Variants in HACE1 observed in about 807,000 individuals in gnomAD.
HACE1 encodes the protein HECT domain and ankyrin repeat containing E3 ubiquitin protein ligase 1.
HACE1 carries 73 observed loss-of-function variants against 118.4 expected under a neutral mutation model. The observed-to-expected ratio is 0.62, with a 90% CI of 0.51 to 0.75. The LOEUF (loss-of-function observed/expected upper bound fraction) is 0.75. HACE1 is among the 30% of genes least tolerant of loss of function. HACE1 has a pLI of 0.00. For missense variants in HACE1, 749 were observed against 1,102.2 expected, an observed-to-expected ratio of 0.68 and a Z score of 4.54; for synonymous variants, 368 against 374.8, an observed-to-expected ratio of 0.98 and a Z score of 0.21.
intron 22 of HACE1, among the ~76,000 whole-genome samples, chr6:104,737,114 T>C (rs1313892702): frequency 7.6e-6 from 1 of 131,338 alleles, no homozygotes; most frequent in Non-Finnish European, 1.6e-5. Flanking sequence ...TGAAACCTCA[T>C]CTCTACTAAA....
chr6:104,772,113 C>A (rs2114714325), intron 17 of HACE1, 39 bp from the exon 18 acceptor site: 8 of 1,146,030 alleles, frequency 7.0e-6, no homozygotes, highest in Non-Finnish European at 1.0e-5. Context: ...TATTAAGAAT[C>A]TATATGCAGA....
At chr6:104,735,556 A>C (rs1233122947) in intron 22 of HACE1, among the ~76,000 whole-genome samples, 1 of 151,978 alleles carries the variant, frequency 6.6e-6, no homozygotes, top group Non-Finnish European at 1.5e-5. Context: ...GCGTGAACCC[A>C]GGAGGCGCAG....
rs1437536818 is a variant in HACE1 at position 104,784,496 on chromosome 6, A to G, written c.1410-11T>C. 8 of 1,593,904 alleles carry G rather than the reference A, an allele frequency of 5.0e-6. No individual in the cohort carries two copies. The highest frequency in any genetic ancestry group is 1.7e-4 in the Middle Eastern group (1 of 6,034). Reference sequence around the variant, plus strand: ...CGAGGTGAAGTCATTCTGTGGGGGGAAAACATCAATCAGAATACACAGGCA... The same window carrying G: ...CGAGGTGAAGTCATTCTGTGGGGGGGAAACATCAATCAGAATACACAGGCA... On this transcript the variant is annotated splice_polypyrimidine_tract_variant and intron_variant, in intron 12 of 23. Coordinates refer to ENST00000262903, the MANE Select transcript of HACE1 (RefSeq NM_020771.4).
intron 19 of HACE1, among the ~76,000 whole-genome samples, chr6:104,754,985 A>G (rs1307972223): frequency 6.6e-6 from 1 of 152,208 alleles, no homozygotes; most frequent in African/African-American, 2.4e-5. Context: ...TAAAAGACCA[A>G]GAATGGCAAG....
rs1268284415 is a variant in HACE1 at position 104,836,239 on chromosome 6, G to GT, written c.403-3067dup. ...CAGCCAAGAGAGCACAGAAGTCTCCGTAAGAGACTCCTTCAAGACATAATC... is the reference window on the plus strand; with the variant it reads ...CAGCCAAGAGAGCACAGAAGTCTCCGTTAAGAGACTCCTTCAAGACATAATC... On this transcript the variant is annotated intron_variant, in intron 5 of 23. Coordinates refer to ENST00000262903, the MANE Select transcript of HACE1 (RefSeq NM_020771.4). Among the ~76,000 whole-genome samples, 5 of 152,250 alleles carry GT rather than the reference G, an allele frequency of 3.3e-5. No homozygotes were observed. The East Asian group carries it at 7.7e-4, about 23-fold the overall frequency.
rs1476472021 is a variant in HACE1 at position 104,740,947 on chromosome 6, A to G, written c.2513+3213T>C. ...GCAAAACGAATCCAGCAGCACATCAAAAAGCTTATCCACCATGATCAAGTG... is the reference window on the plus strand; with the variant it reads ...GCAAAACGAATCCAGCAGCACATCAGAAAGCTTATCCACCATGATCAAGTG... On this transcript the variant is annotated intron_variant, in intron 22 of 23. Coordinates refer to ENST00000262903, the MANE Select transcript of HACE1 (RefSeq NM_020771.4). Among the ~76,000 whole-genome samples, 5 of 129,104 alleles carry G rather than the reference A, an allele frequency of 3.9e-5. No homozygotes were observed. In the South Asian group the frequency reaches 1.0e-3, roughly 26 times the overall value. The allele number at this position is 129,104 out of a possible 152,430, so 84.7% of individuals were successfully genotyped here.
rs1348694232 is a variant in HACE1, at chr6:104,859,625, C to T, written c.18G>A (p.Glu6=). Residue 6 remains glutamate, a synonymous_variant, in exon 1 of 24, where the codon GAG becomes GAA. Transcript: ENST00000262903. ...GCGAGCGCGTCAGGCGGTTGAGTTGCTCCATCGCTCTCTCCATCCTCGGCG... is the reference window on the plus strand; with the variant it reads ...GCGAGCGCGTCAGGCGGTTGAGTTGTTCCATCGCTCTCTCCATCCTCGGCG... MERAM[E]QLNRLTRSLR... 18 of 1,533,348 alleles carry T rather than the reference C, an allele frequency of 1.2e-5. No individual in the cohort carries two copies. Among genetic ancestry groups the T allele is most frequent in the Non-Finnish European group, 1.6e-5 (18 of 1,143,354 alleles). 95.0% of individuals were successfully genotyped at this position (1,533,348 alleles called of 1,614,324 possible). A position where few individuals can be genotyped will look rare whatever the true frequency, so the allele number is the denominator to read the frequency against.
At chr6:104,737,745 T>C (rs988797251) in intron 22 of HACE1, among the ~76,000 whole-genome samples, 8 of 152,162 alleles carry the variant, frequency 5.3e-5, no homozygotes, top group South Asian at 2.1e-4. Context: ...GCAGCGAGGC[T>C]GGGGGAGGGG....
At chr6:104,827,231 A>T (rs1285223898) in intron 6 of HACE1, among the ~76,000 whole-genome samples, 2 of 152,218 alleles carry the variant, frequency 1.3e-5, no homozygotes, top group East Asian at 3.8e-4. Context: ...AAAGGAATAG[A>T]TATTCAATGA....
intron 4 of HACE1, among the ~76,000 whole-genome samples, chr6:104,846,797 C>T (rs1374354909): frequency 6.6e-6 from 1 of 152,182 alleles, no homozygotes; most frequent in Non-Finnish European, 1.5e-5. Flanking sequence ...ACAGGAAGTA[C>T]TCAAGTCACT....
At chr6:104,858,220 T>C (rs560237063) in intron 1 of HACE1, among the ~76,000 whole-genome samples, 65 of 152,276 alleles carry the variant, frequency 4.3e-4, no homozygotes, top group African/African-American at 1.4e-3. Flanking sequence ...AACTAGACAA[T>C]ATAAATTATA....
chr6:104,761,073 TC>T (rs535107642), intron 19 of HACE1, among the ~76,000 whole-genome samples: 70 of 152,234 alleles, frequency 4.6e-4, no homozygotes, highest in African/African-American at 1.6e-3. Context: ...GGAAAAACAT[TC>T]CATGCTTATG....
chr6:104,763,750 T>C (rs1257040951), intron 19 of HACE1, among the ~76,000 whole-genome samples: 2 of 152,126 alleles, frequency 1.3e-5, no homozygotes, highest in Non-Finnish European at 2.9e-5. Context: ...TGCTTTGTTT[T>C]GATTAAAAGG....
chr6:104,774,777 T>C (rs1781052830), intron 17 of HACE1, among the ~76,000 whole-genome samples: 1 of 152,214 alleles, frequency 6.6e-6, no homozygotes, highest in South Asian at 2.1e-4. Context: ...GTCAAGATTC[T>C]CACCATGTAT....
chr6:104,838,648 TTTC>T (rs910950269), intron 5 of HACE1, among the ~76,000 whole-genome samples: 1 of 152,082 alleles, frequency 6.6e-6, no homozygotes, highest in African/African-American at 2.4e-5. Flanking sequence ...TGGGCAAAGC[TTTC>T]TTGAGTAATA....
intron 7 of HACE1, 69 bp downstream of exon 7, chr6:104,811,242 T>TTATA: frequency 1.1e-5 from 2 of 186,318 alleles, no homozygotes; most frequent in Non-Finnish European, 1.9e-5. Context: ...ATTTCTTTAT[T>TTATA]TATACATATA....
chr6:104,785,153 C>T lies in HACE1; in HGVS notation c.1241G>A (p.Gly414Glu), dbSNP rs781687827. ...SIPPFEPPGPGSYENLSTGTR... is the reference protein window; with the variant it reads ...SIPPFEPPGPESYENLSTGTR... ...GCCAGTGGACAGATTTTCATAGCTC[C>T]CAGGTCCTGGAGGTTCAAATGGAGG... is the stretch of plus-strand genomic sequence containing the variant. Residue 414 changes from glycine to glutamate, a missense_variant, in exon 12 of 24, where the codon GGG becomes GAG. Physicochemically the swap from Gly to Glu is moderately conservative, Grantham distance 98. Around this residue, in one of 5 missense-constraint regions of HACE1, gnomAD observed 267 missense variants for 312.2 expected, o/e 0.86. Coordinates refer to ENST00000262903, the MANE Select transcript of HACE1 (RefSeq NM_020771.4). 7 of 1,614,010 alleles carry T rather than the reference C, an allele frequency of 4.3e-6. No homozygotes were observed. Among genetic ancestry groups the T allele is most frequent in the Middle Eastern group, 1.6e-4 (1 of 6,062 alleles).
At chr6:104,772,960 A>T (rs1365821198) in intron 17 of HACE1, among the ~76,000 whole-genome samples, 1 of 152,114 alleles carries the variant, frequency 6.6e-6, no homozygotes, top group Non-Finnish European at 1.5e-5. Context: ...CTGTGAATGT[A>T]CTTAAATGCC....
At position 104,728,922 on chromosome 6, in the gene HACE1, G is replaced by C. The variant is rs1199041056; in HGVS notation, c.*740C>G. 6.6e-6 allele frequency: 1 copy of C among 152,272 alleles called. No individual in the cohort carries two copies. Among genetic ancestry groups the C allele is most frequent in the East Asian group, 1.9e-4 (1 of 5,192 alleles). 9.4% of individuals were successfully genotyped at this position (152,272 alleles called of 1,614,324 possible). On this transcript the variant is annotated 3_prime_UTR_variant, in exon 24 of 24. Transcript: ENST00000262903. Reference sequence around the variant, plus strand: ...AGATAAAAGTAATGAAAAGAAACGTGGTAAAATACATTTTAATTTTACCTT... The same window carrying C: ...AGATAAAAGTAATGAAAAGAAACGTCGTAAAATACATTTTAATTTTACCTT...
Sources: gnomAD v4.1 joint callset for allele counts (sites outside exome capture counted in the v4.1 genomes callset) on GRCh38, gnomAD v4.1.1 for gene constraint, gnomAD v4.1.1 regional missense constraint, MANE v1.5 for transcripts, NCBI Gene and HGNC (gene_info 2026-07-23, HGNC 2026-07-21) for gene names.